Variants in THSD7B observed in about 807,000 individuals in gnomAD.
THSD7B encodes the protein thrombospondin type 1 domain containing 7B, also known as thrombospondin type-1 domain-containing protein 7B.
THSD7B carries 138 observed loss-of-function variants against 213.6 expected under a neutral mutation model. The observed-to-expected ratio is 0.65, with a 90% confidence interval of 0.56 to 0.74. The LOEUF is 0.74. THSD7B is among the 30% of genes least tolerant of loss of function. The pLI, the probability that THSD7B is intolerant of heterozygous loss-of-function variation, is 0.00. For missense variants in THSD7B, 1,931 were observed against 1,991.5 expected (o/e 0.97, Z 0.58); for synonymous variants, 742 against 687.0 (o/e 1.08, Z -1.25).
chr2:136,851,706 G>A (rs1293417867), intron 1 of THSD7B, among the ~76,000 whole-genome samples: 1 of 152,028 alleles, frequency 6.6e-6, no homozygotes, highest in Non-Finnish European at 1.5e-5. Context: ...ATATAAGATG[G>A]CAAATAGAAA....
intron 12 of THSD7B, among the ~76,000 whole-genome samples, chr2:137,300,409 A>T (rs1683571808): frequency 6.6e-6 from 1 of 152,048 alleles, no homozygotes; most frequent in Admixed American, 6.6e-5. Flanking sequence ...TAATTGTATG[A>T]TGTGCCATCT....
intron 1 of THSD7B, among the ~76,000 whole-genome samples, chr2:136,818,652 C>G (rs1160014776): frequency 6.6e-6 from 1 of 152,096 alleles, no homozygotes; most frequent in African/African-American, 2.4e-5. Context: ...ACTATAGTCC[C>G]TTGCTTCTTT....
At chr2:136,770,476 T>A (rs1364673036) in intron 1 of THSD7B, among the ~76,000 whole-genome samples, 2 of 152,202 alleles carry the variant, frequency 1.3e-5, no homozygotes, top group African/African-American at 4.8e-5. Flanking sequence ...TTGAAATACA[T>A]GTGCTCCAGT....
At chr2:137,539,380 A>G (rs1403849629) in intron 15 of THSD7B, among the ~76,000 whole-genome samples, 1 of 151,700 alleles carries the variant, frequency 6.6e-6, no homozygotes, top group Non-Finnish European at 1.5e-5. Context: ...AAGATGTACA[A>G]TTCCAGACCT....
chr2:136,877,835 A>G (rs372412910), intron 1 of THSD7B, among the ~76,000 whole-genome samples: 3 of 152,050 alleles, frequency 2.0e-5, no homozygotes, highest in South Asian at 2.1e-4. Flanking sequence ...CCTGGGGGGA[A>G]AAAAAAGAAG....
At chr2:137,028,007 G>C (rs1686586327) in intron 2 of THSD7B, among the ~76,000 whole-genome samples, 1 of 152,064 alleles carries the variant, frequency 6.6e-6, no homozygotes, top group East Asian at 1.9e-4. Flanking sequence ...GTAAATGTTA[G>C]CTAATCTTGT....
At chr2:136,847,143 C>T (rs1573666881) in intron 1 of THSD7B, among the ~76,000 whole-genome samples, 2 of 152,064 alleles carry the variant, frequency 1.3e-5, no homozygotes, top group Admixed American at 1.3e-4. Context: ...TTGGAATAAA[C>T]GTCCGGAAAG....
intron 2 of THSD7B, among the ~76,000 whole-genome samples, chr2:136,967,099 G>T (rs376925112): frequency 6.6e-6 from 1 of 152,136 alleles, no homozygotes; most frequent in South Asian, 2.1e-4. Flanking sequence ...ACCGTGCTCA[G>T]CATGGTATCC....
In THSD7B at chr2:137,072,442, T is replaced by C. The variant is rs1455824015; in HGVS notation, c.950+15212T>C. On this transcript the variant is annotated intron_variant, in intron 3 of 27. Transcript: ENST00000409968. ...TGTATAAGAATGCTTGTGATTTTTG[T>C]ACATTGATTTTGTATCCTGAGACTT... is the stretch of plus-strand genomic sequence containing the variant. 5.3e-5 allele frequency among the ~76,000 whole-genome samples: 8 copies of C among 152,110 alleles called. No homozygotes were observed. In the East Asian group the frequency reaches 9.6e-4, roughly 18 times the overall value.
At chr2:137,265,027 T>A (rs900515281) in intron 10 of THSD7B, among the ~76,000 whole-genome samples, 9 of 152,204 alleles carry the variant, frequency 5.9e-5, no homozygotes, top group African/African-American at 2.2e-4. Flanking sequence ...CCTTCCTGTG[T>A]CCATGTGTTC....
chr2:137,131,384 T>C (rs1688729080), intron 5 of THSD7B, among the ~76,000 whole-genome samples: 1 of 152,176 alleles, frequency 6.6e-6, no homozygotes. Context: ...TTTAGTTTAA[T>C]TAGATCCCAT....
chr2:137,376,526 C>T (rs754581442), intron 12 of THSD7B, among the ~76,000 whole-genome samples: 14 of 152,106 alleles, frequency 9.2e-5, no homozygotes, highest in Non-Finnish European at 1.9e-4. Flanking sequence ...TGAAGAGATA[C>T]AGGTGAAACT....
intron 2 of THSD7B, among the ~76,000 whole-genome samples, chr2:137,048,068 C>A (rs1687000829): frequency 6.6e-6 from 1 of 152,082 alleles, no homozygotes; most frequent in Admixed American, 6.5e-5. Flanking sequence ...TGCCCCCCAC[C>A]CCCCAACAGG....
intron 2 of THSD7B, among the ~76,000 whole-genome samples, chr2:137,055,299 A>G (rs769076360): frequency 1.3e-5 from 2 of 152,160 alleles, no homozygotes; most frequent in African/African-American, 4.8e-5. Context: ...TCAATCCTTT[A>G]TACCCAGTAA....
chr2:137,084,359 G>A (rs1295355731), intron 3 of THSD7B, among the ~76,000 whole-genome samples: 3 of 152,158 alleles, frequency 2.0e-5, no homozygotes, highest in South Asian at 2.1e-4. Context: ...AAAGTAAAGC[G>A]ATGAGTGGTA....
At chr2:137,659,426 C>T (rs79235541) in intron 24 of THSD7B, among the ~76,000 whole-genome samples, 7,518 of 152,198 alleles carry the variant, frequency 0.049, 349 homozygotes, top group East Asian at 0.22. Flanking sequence ...AGAATCACAT[C>T]GCCAATAAAC....
At chr2:137,639,425 C>A (rs560891067) in intron 20 of THSD7B, among the ~76,000 whole-genome samples, 1 of 152,296 alleles carries the variant, frequency 6.6e-6, no homozygotes, top group East Asian at 1.9e-4. Context: ...AGGGGCAGGG[C>A]CCTCATGGAA....
chr2:137,503,581 C>A (rs1679760946), intron 15 of THSD7B, among the ~76,000 whole-genome samples: 1 of 152,182 alleles, frequency 6.6e-6, no homozygotes, highest in Admixed American at 6.5e-5. Flanking sequence ...GTCATAAAAA[C>A]AGCACAGGCA....
At chr2:137,352,045 C>T (rs1685025273) in intron 12 of THSD7B, among the ~76,000 whole-genome samples, 2 of 151,412 alleles carry the variant, frequency 1.3e-5, no homozygotes, top group African/African-American at 4.9e-5. Context: ...CAGTGTGGTC[C>T]AGGGAAGCCA....
Sources: allele counts gnomAD v4.1 joint callset (sites outside exome capture counted in the v4.1 genomes callset), GRCh38; gene constraint gnomAD v4.1.1; transcripts MANE v1.5; gene names NCBI Gene and HGNC (gene_info 2026-07-23, HGNC 2026-07-21).